EPN2: variants seen among roughly 807,000 people sequenced by gnomAD.
EPN2 encodes the protein epsin 2, also known as epsin-2.
A neutral mutation model predicts 61.7 loss-of-function variants in EPN2; 34 were observed. That is an observed-to-expected ratio of 0.55 (90% confidence interval 0.42 to 0.73). The LOEUF is 0.73. EPN2 is among the 30% of genes least tolerant of loss of function. The pLI is 0.00. For missense variants in EPN2, 714 were observed against 839.2 expected, an observed-to-expected ratio of 0.85 and a Z score of 1.84; for synonymous variants, 349 against 353.6, an observed-to-expected ratio of 0.99 and a Z score of 0.15.
intron 7 of EPN2, among the ~76,000 whole-genome samples, chr17:19,326,465 T>C (rs1045546869): frequency 5.3e-5 from 8 of 152,018 alleles, no homozygotes; most frequent in Non-Finnish European, 1.0e-4. Context: ...GGCGGGCAGA[T>C]CACAAGGTCA....
chr17:19,270,944 T>G (rs537625639), intron 1 of EPN2, among the ~76,000 whole-genome samples: 2 of 152,198 alleles, frequency 1.3e-5, no homozygotes, highest in Non-Finnish European at 2.9e-5. Context: ...GCACTTGCCC[T>G]TTAACTCAAG....
Position 19,283,350 on chromosome 17 carries a change from G to C in EPN2, c.231G>C (p.Ala77=). The change falls in exon 3 of 11, where the codon GCG becomes GCC. Residue 77 remains alanine (A), a synonymous_variant. Coordinates refer to ENST00000314728, the MANE Select transcript of EPN2 (RefSeq NM_014964.5). The surrounding 1 kb of genome is among the most constrained non-coding windows in gnomAD (Gnocchi z 7.0). The part of the protein sequence containing the change: ...HGKNWRHVYK[A]LTLLDYLIKT... ...AGAACTGGCGGCATGTGTACAAGGC[G>C]CTGACCCTGCTGGACTACCTCATCA... 9 of 1,614,104 alleles carry C rather than the reference G, an allele frequency of 5.6e-6. No homozygotes were observed. The highest frequency in any genetic ancestry group is 7.6e-6 in the Non-Finnish European group (9 of 1,179,964).
rs950294283 is a variant in EPN2, at chr17:19,237,422, C to T, written c.-403C>T. ...TGTTGGCTGGTGTGTGGGTGTCAAACTGAGCCAGACGCGGCGGTGGCGGCG... is the reference window on the plus strand; with the variant it reads ...TGTTGGCTGGTGTGTGGGTGTCAAATTGAGCCAGACGCGGCGGTGGCGGCG... On this transcript the variant is annotated 5_prime_UTR_variant, in exon 1 of 11. Coordinates refer to ENST00000314728, the MANE Select transcript of EPN2 (RefSeq NM_014964.5). The T allele has an allele frequency of 1.3e-5, 2 of 152,058 alleles. No homozygotes were observed. The highest frequency in any genetic ancestry group is 4.8e-5 in the African/African-American group (2 of 41,424). 9.4% of individuals were successfully genotyped at this position (152,058 alleles called of 1,614,324 possible).
chr17:19,300,194 G>C (rs538761645), intron 4 of EPN2, among the ~76,000 whole-genome samples: 7 of 152,278 alleles, frequency 4.6e-5, no homozygotes, highest in Admixed American at 3.9e-4. Context: ...CAGTTTCTTA[G>C]AAAGAAACAG....
intron 4 of EPN2, among the ~76,000 whole-genome samples, chr17:19,289,200 T>C (rs1465690898): frequency 6.9e-6 from 1 of 145,622 alleles, no homozygotes; most frequent in East Asian, 2.2e-4. Context: ...TTCTCCTGCC[T>C]CAGCCTCCCA....
At chr17:19,312,532 T>C (rs1028429142) in intron 6 of EPN2, among the ~76,000 whole-genome samples, 6 of 152,200 alleles carry the variant, frequency 3.9e-5, no homozygotes, top group African/African-American at 1.2e-4. Context: ...TGCTGTGATG[T>C]AGAGATGACC....
At chr17:19,301,649 G>C (rs958165166) in intron 4 of EPN2, among the ~76,000 whole-genome samples, 2 of 152,140 alleles carry the variant, frequency 1.3e-5, no homozygotes, top group Admixed American at 6.5e-5. Flanking sequence ...GCCCTTGGGT[G>C]CCTCTGCTGA....
At chr17:19,258,372 A>G (rs1001862682) in intron 1 of EPN2, among the ~76,000 whole-genome samples, 4 of 152,242 alleles carry the variant, frequency 2.6e-5, no homozygotes, top group African/African-American at 9.6e-5. Context: ...GTCCTTCCCA[A>G]TGCCAGCGTG....
intron 4 of EPN2, 29 bp from the exon 5 acceptor site, chr17:19,309,856 G>A (rs763399561): frequency 1.3e-6 from 2 of 1,574,612 alleles, no homozygotes; most frequent in South Asian, 1.1e-5. Context: ...CTTGTCTTTT[G>A]CATATGATGA....
At chr17:19,245,265 T>TA (rs1035697760) in intron 1 of EPN2, among the ~76,000 whole-genome samples, 3 of 152,192 alleles carry the variant, frequency 2.0e-5, no homozygotes, top group Non-Finnish European at 2.9e-5. Context: ...AGAGCTGTGT[T>TA]AAAATAATTG....
chr17:19,332,519 C>T (rs72836799), intron 10 of EPN2, among the ~76,000 whole-genome samples: 7,261 of 152,222 alleles, frequency 0.048, 225 homozygotes, highest in East Asian at 0.11. Flanking sequence ...CCAGAGTCTG[C>T]CCCCTGCCCT....
At chr17:19,332,690 G>C (rs962800072) in intron 10 of EPN2, among the ~76,000 whole-genome samples, 1 of 152,136 alleles carries the variant, frequency 6.6e-6, no homozygotes, top group African/African-American at 2.4e-5. Flanking sequence ...CCTTCCTTAA[G>C]CCCAGGCTGT....
chr17:19,289,724 G>GTTTTTTTTTTTGTTTTT, intron 4 of EPN2, among the ~76,000 whole-genome samples: 1 of 78,048 alleles, frequency 1.3e-5, no homozygotes, highest in East Asian at 5.8e-4. Flanking sequence ...GGCGCTCATG[G>GTTTTTTTTTTTGTTTTT]TTTTTTTTTT....
chr17:19,335,295 A>T lies in EPN2; in HGVS notation c.*1041A>T, dbSNP rs1019014040. The T allele has an allele frequency of 9.0e-7, 1 of 1,108,798 alleles. No individual in the cohort carries two copies. The highest frequency in any genetic ancestry group is 1.6e-5 in the African/African-American group (1 of 63,796). 68.7% of individuals were successfully genotyped at this position (1,108,798 alleles called of 1,614,324 possible). ...TCAGCCTTTTTGGCTAGATCCTGAG[A>T]GGCTATTTTTCTTACGAATATACCA... On this transcript the variant is annotated 3_prime_UTR_variant, in exon 11 of 11. Coordinates refer to ENST00000314728, the MANE Select transcript of EPN2 (RefSeq NM_014964.5).
intron 4 of EPN2, chr17:19,308,022 G>T: frequency 4.1e-6 from 4 of 984,758 alleles, no homozygotes; most frequent in Non-Finnish European, 3.6e-6. Flanking sequence ...TGCTAGTTAG[G>T]TTTCCTAAAA....
intron 6 of EPN2, among the ~76,000 whole-genome samples, chr17:19,312,446 G>T (rs999889280): frequency 6.6e-6 from 1 of 152,230 alleles, no homozygotes; most frequent in Non-Finnish European, 1.5e-5. Flanking sequence ...CATGCCAGGG[G>T]CTGCGGAACG....
intron 7 of EPN2, among the ~76,000 whole-genome samples, chr17:19,327,503 C>T (rs1364108497): frequency 6.6e-6 from 1 of 152,006 alleles, no homozygotes; most frequent in Non-Finnish European, 1.5e-5. Context: ...GAGACCCCAT[C>T]TCGACGAAAA....
intron 1 of EPN2, among the ~76,000 whole-genome samples, chr17:19,249,095 G>GTTTGAC (rs1337789244): frequency 6.6e-6 from 1 of 152,210 alleles, no homozygotes; most frequent in Non-Finnish European, 1.5e-5. Context: ...GCTTGGTGAG[G>GTTTGAC]TTTGACTCAT....
At chr17:19,322,818 G>A (rs1002642746) in intron 7 of EPN2, among the ~76,000 whole-genome samples, 8 of 151,924 alleles carry the variant, frequency 5.3e-5, no homozygotes, top group South Asian at 2.1e-4. Context: ...TTTCAGAGAC[G>A]AGAAGGCATG....
Sources: gnomAD v4.1 joint callset for allele counts (sites outside exome capture counted in the v4.1 genomes callset) on GRCh38, gnomAD v4.1.1 for gene constraint, Gnocchi (gnomAD v3.1) non-coding constraint, MANE v1.5 for transcripts, NCBI Gene and HGNC (gene_info 2026-07-23, HGNC 2026-07-21) for gene names.